CEP192: variants seen among roughly 807,000 people sequenced by gnomAD.
CEP192 encodes the protein centrosomal protein 192.
CEP192 carries 151 observed loss-of-function variants against 271.8 expected under a neutral mutation model. The ratio of observed to expected loss-of-function variants is 0.56; its 90% confidence interval spans 0.49 to 0.64. The LOEUF (loss-of-function observed/expected upper bound fraction) is 0.64, where lower values mean the gene tolerates loss of function less well. Ranked by LOEUF, CEP192 falls within the 30% of genes least tolerant of loss-of-function variation. CEP192 has a pLI of 0.00. For synonymous variants in CEP192, 995 were observed against 1,076.5 expected, an observed-to-expected ratio of 0.92 and a Z score of 1.48; for missense variants, 2,910 against 3,020.5, an observed-to-expected ratio of 0.96 and a Z score of 0.86.
intron 14 of CEP192, 123 bp from the exon 15 acceptor site, chr18:13,042,081 T>TG: frequency 1.4e-6 from 1 of 703,550 alleles, no homozygotes; most frequent in Non-Finnish European, 2.3e-6. Context: ...TGAAGGCAAC[T>TG]GACATTTGGG....
At chr18:13,111,852 C>G (rs946891971) in intron 40 of CEP192, among the ~76,000 whole-genome samples, 1 of 152,088 alleles carries the variant, frequency 6.6e-6, no homozygotes. Flanking sequence ...TACAAGTGGT[C>G]AATAAACATG....
intron 17 of CEP192, 108 bp downstream of exon 17, chr18:13,049,999 G>A (rs1192402740): frequency 1.2e-6 from 1 of 865,308 alleles, no homozygotes; most frequent in Non-Finnish European, 1.7e-6. Context: ...TCTCTCAAAG[G>A]TAACTCTTGT....
At chr18:13,094,667 G>A (rs760952740) in intron 34 of CEP192, among the ~76,000 whole-genome samples, 2 of 152,194 alleles carry the variant, frequency 1.3e-5, no homozygotes, top group Non-Finnish European at 2.9e-5. Context: ...CACTAGGTGT[G>A]CTCATGCTGT....
intron 30 of CEP192, among the ~76,000 whole-genome samples, chr18:13,079,140 G>C (rs2038452374): frequency 6.6e-6 from 1 of 152,062 alleles, no homozygotes; most frequent in Non-Finnish European, 1.5e-5. Flanking sequence ...ATAATCCTTT[G>C]GGTATATACC....
chr18:13,100,053 G>C (rs576155989), intron 37 of CEP192, among the ~76,000 whole-genome samples: 1 of 152,246 alleles, frequency 6.6e-6, no homozygotes, highest in East Asian at 1.9e-4. Context: ...AATTCTCTTG[G>C]GGAATGGGTG....
chr18:13,102,990 A>G (rs1454468605), intron 38 of CEP192, among the ~76,000 whole-genome samples: 2 of 152,148 alleles, frequency 1.3e-5, no homozygotes, highest in East Asian at 1.9e-4. Context: ...TGGCACCACT[A>G]TCTGTTCATT....
At chr18:13,051,435 C>T (rs563231261) in intron 17 of CEP192, among the ~76,000 whole-genome samples, 5 of 152,124 alleles carry the variant, frequency 3.3e-5, no homozygotes, top group East Asian at 3.9e-4. Flanking sequence ...TCATGTCATG[C>T]GGGAGCTAAA....
intron 39 of CEP192, among the ~76,000 whole-genome samples, chr18:13,104,318 A>G (rs2144939473): frequency 1.4e-5 from 2 of 140,420 alleles, no homozygotes; most frequent in Admixed American, 1.5e-4. Flanking sequence ...CTAGCCTACT[A>G]TCTATGGCAG....
At chr18:13,046,477 C>T (rs1321103945) in intron 15 of CEP192, among the ~76,000 whole-genome samples, 2 of 152,078 alleles carry the variant, frequency 1.3e-5, no homozygotes, top group African/African-American at 4.8e-5. Flanking sequence ...AGACTTTGTT[C>T]TTTTTCTTTT....
chr18:13,114,287 C>A, intron 42 of CEP192, 36 bp downstream of exon 42: 2 of 1,605,968 alleles, frequency 1.2e-6, no homozygotes, highest in Non-Finnish European at 1.7e-6. Flanking sequence ...AGTTTTTTCC[C>A]AGTACTTTAT....
chr18:13,103,698 T>G, intron 39 of CEP192, 110 bp downstream of exon 39: 1 of 936,168 alleles, frequency 1.1e-6, no homozygotes, highest in South Asian at 1.3e-5. Flanking sequence ...TTTGCTTGTT[T>G]GTTTTCTGAG....
At chr18:13,069,698 G>T (rs1232538504) in intron 26 of CEP192, 40 bp from the exon 27 acceptor site, 1 of 1,231,310 alleles carries the variant, frequency 8.1e-7, no homozygotes. Flanking sequence ...CTGCGTTTTT[G>T]TAAGTCGGCA....
chr18:13,095,144 C>T (rs918658763), intron 34 of CEP192, among the ~76,000 whole-genome samples: 4 of 152,056 alleles, frequency 2.6e-5, no homozygotes, highest in African/African-American at 9.7e-5. Context: ...ACTACAGACA[C>T]CTGCCACCAC....
intron 11 of CEP192, among the ~76,000 whole-genome samples, chr18:13,034,172 C>G (rs1363292426): frequency 2.0e-5 from 3 of 151,998 alleles, no homozygotes; most frequent in Admixed American, 1.3e-4. Flanking sequence ...ATGAAACCAT[C>G]CTTGTGCTTA....
chr18:13,111,603 A>G (rs956087600), intron 40 of CEP192, among the ~76,000 whole-genome samples: 8 of 152,250 alleles, frequency 5.3e-5, no homozygotes, highest in Admixed American at 1.3e-4. Flanking sequence ...TGACACCAGT[A>G]AAGCACAAGC....
At chr18:13,008,732 G>A (rs1401925772) in intron 4 of CEP192, 101 bp downstream of exon 4, 13 of 911,490 alleles carry the variant, frequency 1.4e-5, no homozygotes, top group South Asian at 3.7e-5. Flanking sequence ...AGGCAGGGTC[G>A]CACTCCTGTC....
chr18:13,046,922 G>A (rs1011295764), intron 15 of CEP192, among the ~76,000 whole-genome samples: 1 of 143,610 alleles, frequency 7.0e-6, no homozygotes, highest in Non-Finnish European at 1.5e-5. Flanking sequence ...CTCTTGATAT[G>A]TATTTTTGCT....
chr18:13,052,409 T>C (rs1466049305), intron 17 of CEP192, among the ~76,000 whole-genome samples: 1 of 152,212 alleles, frequency 6.6e-6, no homozygotes, highest in East Asian at 1.9e-4. Context: ...GTGAAGTCTT[T>C]ATATTTATCA....
At chr18:13,004,497 C>T (rs149918430) in intron 3 of CEP192, among the ~76,000 whole-genome samples, 6 of 152,098 alleles carry the variant, frequency 3.9e-5, no homozygotes, top group Admixed American at 1.3e-4. Context: ...AGTTCCCCTG[C>T]GGGAACAGGT....
Sources: gnomAD v4.1 joint callset for allele counts (sites outside exome capture counted in the v4.1 genomes callset) on GRCh38, gnomAD v4.1.1 for gene constraint, MANE v1.5 for transcripts, NCBI Gene and HGNC (gene_info 2026-07-23, HGNC 2026-07-21) for gene names.